Variants in ANKRD44 observed in about 807,000 individuals in gnomAD.
ANKRD44 encodes the protein serine/threonine-protein phosphatase 6 regulatory ankyrin repeat subunit B.
Under a neutral mutation model 116.0 loss-of-function variants are expected in ANKRD44, and 35 were observed. The observed-to-expected ratio is 0.30, with a 90% confidence interval of 0.23 to 0.40. The LOEUF is 0.40. ANKRD44 is among the 10% of genes least tolerant of loss of function. The pLI, the probability that ANKRD44 is intolerant of heterozygous loss-of-function variation, is 1.00. For missense variants in ANKRD44, 1,014 were observed against 1,242.6 expected (o/e 0.82, Z 2.77); for synonymous variants, 435 against 461.8 (o/e 0.94, Z 0.74).
chr2:197,141,372 C>T (rs568534947), intron 3 of ANKRD44, among the ~76,000 whole-genome samples: 1 of 152,296 alleles, frequency 6.6e-6, no homozygotes, highest in African/African-American at 2.4e-5. Context: ...ATATTCTTTA[C>T]ATATTTCTCC....
At chr2:197,111,834 C>T (rs1016024537) in intron 8 of ANKRD44, among the ~76,000 whole-genome samples, 1 of 151,984 alleles carries the variant, frequency 6.6e-6, no homozygotes, top group Non-Finnish European at 1.5e-5. Flanking sequence ...GAATCTCTTA[C>T]TTTACTTAAC....
chr2:197,065,934 T>C (rs919316137), intron 16 of ANKRD44, among the ~76,000 whole-genome samples: 1 of 152,170 alleles, frequency 6.6e-6, no homozygotes, highest in African/African-American at 2.4e-5. Context: ...CCCTAACTCA[T>C]TTTACGAGGC....
intron 10 of ANKRD44, among the ~76,000 whole-genome samples, chr2:197,099,098 A>C (rs1264767144): frequency 6.6e-6 from 1 of 152,052 alleles, no homozygotes; most frequent in African/African-American, 2.4e-5. Context: ...GCTAAAATTC[A>C]TCTTCTCCTT....
intron 1 of ANKRD44, chr2:197,263,004 A>G: frequency 4.3e-6 from 1 of 229,954 alleles, no homozygotes; most frequent in Non-Finnish European, 8.8e-6. Flanking sequence ...ATCATATTGC[A>G]TGATATGCTC....
Position 196,986,692 on chromosome 2 carries a change from TAA to T in ANKRD44, c.*2897_*2898del. The T allele has an allele frequency of 1.0e-6, 1 of 972,954 alleles. No homozygotes were observed. The highest frequency in any genetic ancestry group is 1.1e-4 in the East Asian group (1 of 8,758). 60.3% of individuals were successfully genotyped at this position (972,954 alleles called of 1,614,324 possible). On this transcript the variant is annotated 3_prime_UTR_variant, in exon 28 of 28. Transcript: ENST00000282272. ...ACAATATTTGTACCGTTTTTATTTGTAAAAATAACCATCTGAATGCATTTCCA... is the reference window on the plus strand; with the variant it reads ...ACAATATTTGTACCGTTTTTATTTGTAAATAACCATCTGAATGCATTTCCA...
chr2:196,996,841 T>C (rs1021173031), intron 25 of ANKRD44, among the ~76,000 whole-genome samples: 2 of 148,180 alleles, frequency 1.3e-5, no homozygotes, highest in Non-Finnish European at 3.0e-5. Flanking sequence ...GAGGCGGAGG[T>C]TGCAGTGGGC....
chr2:197,004,588 C>T (rs538449978), intron 21 of ANKRD44, among the ~76,000 whole-genome samples: 13 of 151,912 alleles, frequency 8.6e-5, no homozygotes, highest in African/African-American at 1.2e-4. Flanking sequence ...CCTCTCAAAT[C>T]GACAAAAATT....
intron 13 of ANKRD44, among the ~76,000 whole-genome samples, chr2:197,083,959 T>A (rs1006525948): frequency 1.3e-5 from 2 of 152,174 alleles, no homozygotes; most frequent in African/African-American, 4.8e-5. Context: ...TTCAGGTCTA[T>A]GTTATTGCTT....
At chr2:197,162,654 T>G (rs1367332822) in intron 2 of ANKRD44, among the ~76,000 whole-genome samples, 1 of 152,216 alleles carries the variant, frequency 6.6e-6, no homozygotes, top group African/African-American at 2.4e-5. Flanking sequence ...AGCTCAAGTG[T>G]CCTTTCCTCT....
At chr2:197,112,657 G>A (rs1449818744) in intron 8 of ANKRD44, among the ~76,000 whole-genome samples, 7 of 139,820 alleles carry the variant, frequency 5.0e-5, no homozygotes, top group Non-Finnish European at 1.1e-4. Flanking sequence ...GCAGTGAGCC[G>A]AAATCGTGCC....
At chr2:197,234,831 T>C (rs2081945145) in intron 1 of ANKRD44, among the ~76,000 whole-genome samples, 1 of 152,186 alleles carries the variant, frequency 6.6e-6, no homozygotes, top group South Asian at 2.1e-4. Context: ...CCTGCCCCAG[T>C]TGCCTAATGG....
At chr2:197,184,662 A>T (rs1324586257) in intron 2 of ANKRD44, among the ~76,000 whole-genome samples, 1 of 132,476 alleles carries the variant, frequency 7.5e-6, no homozygotes, top group African/African-American at 2.7e-5. Context: ...AAAAAAAAAA[A>T]TCCTTCCATG....
chr2:197,183,754 G>A (rs568125046), intron 2 of ANKRD44, among the ~76,000 whole-genome samples: 2 of 151,972 alleles, frequency 1.3e-5, no homozygotes, highest in African/African-American at 2.4e-5. Flanking sequence ...TAAGAACTCA[G>A]GCCCTCCTTG....
rs563012713 is a variant in ANKRD44 at position 197,188,699 on chromosome 2, T to C, written c.28-1593A>G. On this transcript the variant is annotated intron_variant, in intron 1 of 27. Transcript: ENST00000282272. ...TAAGAAATGTTTCACGATGACAAGA[T>C]GGAGTAGTTGATAATTTTCTTTTAA... 2.0e-5 allele frequency among the ~76,000 whole-genome samples: 3 copies of C among 152,334 alleles called. No individual in the cohort carries two copies. The South Asian group carries it at 6.2e-4, about 32-fold the overall frequency.
At chr2:197,188,665 T>A (rs1297572725) in intron 1 of ANKRD44, among the ~76,000 whole-genome samples, 1 of 152,220 alleles carries the variant, frequency 6.6e-6, no homozygotes, top group Admixed American at 6.5e-5. Context: ...CCTACATAGA[T>A]GTTTTCATTA....
chr2:197,031,059 C>A (rs923979574), intron 16 of ANKRD44, among the ~76,000 whole-genome samples: 6 of 152,024 alleles, frequency 3.9e-5, no homozygotes, highest in Non-Finnish European at 4.4e-5. Context: ...CACTGGAAAG[C>A]AAAACTTTCT....
At chr2:197,248,592 A>ATATATATATAT (rs1553539906) in intron 1 of ANKRD44, among the ~76,000 whole-genome samples, 1 of 149,574 alleles carries the variant, frequency 6.7e-6, no homozygotes, top group African/African-American at 2.5e-5. Context: ...ATATATATAT[A>ATATATATATAT]AAGAGAGAGA....
chr2:197,117,412 G>T (rs1298170235), intron 8 of ANKRD44, among the ~76,000 whole-genome samples: 1 of 152,076 alleles, frequency 6.6e-6, no homozygotes, highest in South Asian at 2.1e-4. Context: ...GCTAATTTTT[G>T]TATTTTTAGT....
rs2081339566 is a variant in ANKRD44, at chr2:197,212,062, A to ACG, written c.28-24957_28-24956insCG. 6.6e-6 allele frequency among the ~76,000 whole-genome samples: 1 copy of ACG among 151,212 alleles called. No individual in the cohort carries two copies. On this transcript the variant is annotated intron_variant, in intron 1 of 27. Coordinates refer to ENST00000282272, the MANE Select transcript of ANKRD44 (RefSeq NM_001195144.2). The surrounding 1 kb of genome is among the most constrained non-coding windows in gnomAD (Gnocchi z 4.8). ...CAGTCTCTCTCTCTCTCACACACACACACACACACACACCCCACAGCACCA... is the reference window on the plus strand; with the variant it reads ...CAGTCTCTCTCTCTCTCACACACACACGCACACACACACACCCCACAGCACCA...
Sources: gnomAD v4.1 joint callset for allele counts (sites outside exome capture counted in the v4.1 genomes callset) on GRCh38, gnomAD v4.1.1 for gene constraint, Gnocchi (gnomAD v3.1) non-coding constraint, MANE v1.5 for transcripts, NCBI Gene and HGNC (gene_info 2026-07-23, HGNC 2026-07-21) for gene names.